SBF2: variants seen among roughly 807,000 people sequenced by gnomAD.
The protein encoded by SBF2 is myotubularin-related protein 13.
A neutral mutation model predicts 225.2 loss-of-function variants in SBF2; 112 were observed. The observed-to-expected ratio is 0.50, with a 90% CI of 0.43 to 0.58. SBF2 has a LOEUF of 0.58. Among genes scored for constraint, SBF2 ranks in the 20% least tolerant of loss-of-function variants. The pLI, the probability that SBF2 is intolerant of heterozygous loss-of-function variation, is 0.00. For missense variants in SBF2, 1,996 were observed against 2,206.2 expected (o/e 0.90, Z 1.91); for synonymous variants, 763 against 773.3 (o/e 0.99, Z 0.22).
chr11:9,982,812 G>A (rs574216752), intron 13 of SBF2, among the ~76,000 whole-genome samples: 25 of 152,336 alleles, frequency 1.6e-4, no homozygotes, highest in East Asian at 3.9e-4. Context: ...AACACACACC[G>A]GAGAAGCTGA....
intron 2 of SBF2, among the ~76,000 whole-genome samples, chr11:10,159,771 TC>T (rs1427430413): frequency 6.6e-6 from 1 of 151,800 alleles, no homozygotes; most frequent in East Asian, 1.9e-4. Context: ...GTGCCTATAG[TC>T]CCAGCTACTC....
intron 2 of SBF2, among the ~76,000 whole-genome samples, chr11:10,148,510 T>A (rs1225033118): frequency 2.6e-5 from 4 of 151,790 alleles, no homozygotes; most frequent in African/African-American, 9.7e-5. Context: ...ATTTTTTTTT[T>A]AATTCTTCCT....
intron 2 of SBF2, among the ~76,000 whole-genome samples, chr11:10,045,168 T>C (rs372721929): frequency 0.029 from 3,586 of 124,296 alleles, 139 homozygotes; most frequent in African/African-American, 0.094. Context: ...ATCTATTGCT[T>C]TTCTTTTTTT....
intron 17 of SBF2, among the ~76,000 whole-genome samples, chr11:9,889,043 GAAAC>G (rs995675914): frequency 2.6e-5 from 4 of 152,138 alleles, no homozygotes; most frequent in Non-Finnish European, 5.9e-5. Flanking sequence ...ACTTACATGA[GAAAC>G]ACCAGGCTTT....
chr11:9,998,496 T>C (rs1189091225), intron 8 of SBF2, 117 bp from the exon 9 acceptor site: 1 of 641,794 alleles, frequency 1.6e-6, no homozygotes, highest in Non-Finnish European at 2.7e-6. Flanking sequence ...AGACTCTTGT[T>C]TGTCCATAGT....
Position 10,300,715 on chromosome 11 carries a change from G to A in SBF2, n.386+3777C>T, listed in dbSNP as rs1964588590. On this transcript the variant is annotated intron_variant and non_coding_transcript_variant, in intron 1 of 5. Coordinates refer to the SBF2 transcript ENST00000685217. ...ATTAATGCCATTTATTGTGCCCTCT[G>A]TAGCAAATTTCTCTTGAAGTAATTT... Among the ~76,000 whole-genome samples, 3 of 151,556 alleles carry A rather than the reference G, an allele frequency of 2.0e-5. No individual in the cohort carries two copies. In the South Asian group the frequency reaches 6.2e-4, roughly 32 times the overall value.
intron 16 of SBF2, among the ~76,000 whole-genome samples, chr11:9,942,577 A>T (rs141484425): frequency 3.3e-5 from 5 of 152,358 alleles, no homozygotes; most frequent in African/African-American, 1.2e-4. Context: ...AAGATACAGC[A>T]TGGGGGCTTG....
At chr11:9,876,991 G>A (rs1001237902) in intron 17 of SBF2, among the ~76,000 whole-genome samples, 2 of 152,008 alleles carry the variant, frequency 1.3e-5, no homozygotes, top group African/African-American at 2.4e-5. Flanking sequence ...CACCCACCTC[G>A]GCCTCCCAAA....
At chr11:9,879,896 C>A (rs979361270) in intron 17 of SBF2, among the ~76,000 whole-genome samples, 23 of 151,690 alleles carry the variant, frequency 1.5e-4, no homozygotes, top group Admixed American at 2.0e-4. Flanking sequence ...CTGCCCTGGC[C>A]AATGTGGCAA....
At chr11:9,860,491 G>A (rs60975667) in intron 17 of SBF2, among the ~76,000 whole-genome samples, 54,804 of 151,488 alleles carry the variant, frequency 0.36, 10,314 homozygotes, top group African/African-American at 0.48. Context: ...GGAGGTTGCA[G>A]TGAGATGAGA....
intron 2 of SBF2, among the ~76,000 whole-genome samples, chr11:10,045,801 A>C (rs571120359): frequency 9.2e-5 from 14 of 152,312 alleles, no homozygotes; most frequent in African/African-American, 3.4e-4. Context: ...ATTGTTAAAG[A>C]AACTGAATCA....
At chr11:9,976,726 AAC>A (rs1946701014) in intron 13 of SBF2, among the ~76,000 whole-genome samples, 1 of 152,192 alleles carries the variant, frequency 6.6e-6, no homozygotes, top group South Asian at 2.1e-4. Context: ...AAAACAATAA[AAC>A]ACATGTCCAA....
intron 2 of SBF2, among the ~76,000 whole-genome samples, chr11:10,141,331 AAAG>A (rs1205426101): frequency 6.6e-6 from 1 of 152,188 alleles, no homozygotes; most frequent in Non-Finnish European, 1.5e-5. Context: ...CATCAAATTT[AAAG>A]AAGGAGTCAT....
chr11:10,151,726 T>G (rs1456674709), intron 2 of SBF2, among the ~76,000 whole-genome samples: 1 of 152,202 alleles, frequency 6.6e-6, no homozygotes, highest in Non-Finnish European at 1.5e-5. Context: ...AACATAAAAT[T>G]ATGGACTGGG....
At chr11:10,273,666 T>C (rs548313737) in intron 1 of SBF2, among the ~76,000 whole-genome samples, 55 of 152,368 alleles carry the variant, frequency 3.6e-4, no homozygotes, top group African/African-American at 1.3e-3. Context: ...TCTCTTCTTC[T>C]TGTGCTAAAT....
At chr11:10,232,218 T>C (rs1958884475) in intron 1 of SBF2, among the ~76,000 whole-genome samples, 1 of 152,212 alleles carries the variant, frequency 6.6e-6, no homozygotes, top group South Asian at 2.1e-4. Flanking sequence ...CCCCTTTCTT[T>C]GACTAGGAAA....
chr11:10,070,492 G>T (rs967427290), intron 2 of SBF2, among the ~76,000 whole-genome samples: 1 of 151,956 alleles, frequency 6.6e-6, no homozygotes. Flanking sequence ...TATTTCTGAA[G>T]GCTTTGTTCT....
chr11:9,788,589 CTTTTT>C (rs34787805), intron 35 of SBF2, among the ~76,000 whole-genome samples: 5 of 122,316 alleles, frequency 4.1e-5, no homozygotes, highest in Non-Finnish European at 3.3e-5. Context: ...TGGAAAATCA[CTTTTT>C]TTTTTTTTTT....
At chr11:10,041,659 A>G (rs1949662490) in intron 3 of SBF2, among the ~76,000 whole-genome samples, 2 of 152,210 alleles carry the variant, frequency 1.3e-5, no homozygotes, top group Non-Finnish European at 2.9e-5. Flanking sequence ...ATGAAAGGTA[A>G]TTTGTCTCTT....
Sources: gnomAD v4.1 joint callset for allele counts (sites outside exome capture counted in the v4.1 genomes callset) on GRCh38, gnomAD v4.1.1 for gene constraint, MANE v1.5 for transcripts, NCBI Gene and HGNC (gene_info 2026-07-23, HGNC 2026-07-21) for gene names.